Variants in PDE1A observed in about 807,000 individuals in gnomAD.
PDE1A encodes phosphodiesterase 1A.
A neutral mutation model predicts 61.7 loss-of-function variants in PDE1A; 35 were observed. The ratio of observed to expected loss-of-function variants is 0.57; its 90% CI spans 0.43 to 0.75. The LOEUF (loss-of-function observed/expected upper bound fraction) is 0.75. Among genes scored for constraint, PDE1A ranks in the 30% least tolerant of loss-of-function variants. PDE1A has a pLI of 0.00. For synonymous variants in PDE1A, 232 were observed against 213.2 expected, an observed-to-expected ratio of 1.09 and a Z score of -0.77; for missense variants, 597 against 630.6, an observed-to-expected ratio of 0.95 and a Z score of 0.57.
chr2:182,342,564 T>G (rs1698260683), intron 1 of PDE1A, among the ~76,000 whole-genome samples: 1 of 152,156 alleles, frequency 6.6e-6, no homozygotes, highest in South Asian at 2.1e-4. Context: ...GTGCCTGTAG[T>G]CCTAGCTACT....
intron 1 of PDE1A, among the ~76,000 whole-genome samples, chr2:182,302,446 A>G (rs1393217594): frequency 6.6e-6 from 1 of 152,264 alleles, no homozygotes; most frequent in East Asian, 1.9e-4. Flanking sequence ...AGTGTGCAAC[A>G]ACATTATGCA....
chr2:182,563,574 G>T, the PDE1A span, among the ~76,000 whole-genome samples: 2 of 152,140 alleles, frequency 1.3e-5, no homozygotes, highest in Admixed American at 1.3e-4. Context: ...TATTAGGTCT[G>T]CTTGGTGCAG....
chr2:182,527,326 AAATATATATAT>A (rs1690791091), upstream of PDE1A, among the ~76,000 whole-genome samples: 6 of 21,722 alleles, frequency 2.8e-4, no homozygotes, highest in South Asian at 3.7e-3. Flanking sequence ...AAAAAAAAAA[AAATATATATAT>A]ATATATATAT....
In PDE1A at chr2:182,347,436, G is replaced by T. The variant is rs1016073356; in HGVS notation, c.53+79142C>A. ...TGTTTCTGTATAACTCATATATTCA[G>T]TCCCAATATTAATCTACTTGGGTAT... On this transcript the variant is annotated intron_variant, in intron 1 of 13. Transcript: ENST00000351439. 6.9e-4 allele frequency among the ~76,000 whole-genome samples: 105 copies of T among 152,052 alleles called. 1 individual carries two copies. Among genetic ancestry groups the T allele is most frequent in the Non-Finnish European group, 1.3e-4 (9 of 67,990 alleles).
chr2:182,618,510 A>G, the PDE1A span, among the ~76,000 whole-genome samples: 1 of 151,266 alleles, frequency 6.6e-6, no homozygotes, highest in African/African-American at 2.4e-5. Flanking sequence ...TGGCATTCAA[A>G]GAACAATAAG....
the PDE1A span, among the ~76,000 whole-genome samples, chr2:182,599,255 C>T: frequency 1.3e-5 from 2 of 152,134 alleles, no homozygotes; most frequent in African/African-American, 2.4e-5. Flanking sequence ...CTGGCTCTGC[C>T]TCAGTGGGAC....
chr2:182,319,239 T>C (rs1312845567), intron 1 of PDE1A, among the ~76,000 whole-genome samples: 1 of 152,180 alleles, frequency 6.6e-6, no homozygotes, highest in African/African-American at 2.4e-5. Context: ...TAAAAACATA[T>C]CTTTACATAA....
intron 2 of PDE1A, among the ~76,000 whole-genome samples, chr2:182,504,090 G>C (rs1689254586): frequency 6.6e-6 from 1 of 152,274 alleles, no homozygotes; most frequent in East Asian, 1.9e-4. Flanking sequence ...TCTAACCAGT[G>C]GCTAAGATTA....
At chr2:182,626,556 C>A in the PDE1A span, among the ~76,000 whole-genome samples, 7 of 149,988 alleles carry the variant, frequency 4.7e-5, no homozygotes, top group Non-Finnish European at 8.9e-5. Flanking sequence ...TAAAAAAAAA[C>A]CATGATGACT....
In PDE1A at chr2:182,223,981, AG is replaced by A. The variant is rs755448661; in HGVS notation, c.676-18del. ...GAGCCAGTGCTAGTAAATTACAGAA[AG>A]AATCCATTATATTCAAGAAGTAGAT... On this transcript the variant is annotated intron_variant, in intron 6 of 13. Transcript: ENST00000351439. 2.0e-6 allele frequency: 3 copies of A among 1,538,076 alleles called. No individual in the cohort carries two copies. Among genetic ancestry groups the A allele is most frequent in the Non-Finnish European group, 2.7e-6 (3 of 1,115,594 alleles).
chr2:182,255,655 TTTTC>T (rs1257181870), intron 2 of PDE1A, among the ~76,000 whole-genome samples: 1 of 144,656 alleles, frequency 6.9e-6, no homozygotes, highest in Non-Finnish European at 1.5e-5. Context: ...TCTTTCTTTC[TTTTC>T]TTTTTTTTTT....
chr2:182,265,309 CA>C (rs1320809309), intron 1 of PDE1A, among the ~76,000 whole-genome samples: 2 of 151,482 alleles, frequency 1.3e-5, no homozygotes, highest in African/African-American at 4.9e-5. Context: ...ATAAAATAAA[CA>C]AAAAAACAAA....
the PDE1A span, among the ~76,000 whole-genome samples, chr2:182,660,321 G>C: frequency 6.6e-6 from 1 of 152,192 alleles, no homozygotes; most frequent in African/African-American, 2.4e-5. Flanking sequence ...CTCTGAGAGA[G>C]TGGAAGAAAG....
chr2:182,476,290 A>T (rs148635839), intron 2 of PDE1A, among the ~76,000 whole-genome samples: 3 of 151,898 alleles, frequency 2.0e-5, no homozygotes, highest in Non-Finnish European at 4.4e-5. Context: ...CAGGAATTCA[A>T]CACCAGCCTA....
chr2:182,203,524 T>A (rs1032944630), intron 8 of PDE1A, among the ~76,000 whole-genome samples: 5 of 152,174 alleles, frequency 3.3e-5, no homozygotes, highest in Non-Finnish European at 5.9e-5. Context: ...AGACCCATAT[T>A]TGAAAAGCAA....
At chr2:182,506,789 T>A (rs993629867) in intron 2 of PDE1A, among the ~76,000 whole-genome samples, 3 of 152,208 alleles carry the variant, frequency 2.0e-5, no homozygotes, top group Non-Finnish European at 4.4e-5. Flanking sequence ...TATGACCTGT[T>A]GTCAGGGCAA....
chr2:182,208,458 G>A (rs1015469335), intron 7 of PDE1A, among the ~76,000 whole-genome samples: 5 of 152,274 alleles, frequency 3.3e-5, no homozygotes, highest in Middle Eastern at 3.4e-3. Flanking sequence ...CTATGATCCA[G>A]TTACCTCCCA....
At chr2:182,367,898 T>C (rs558579956) in intron 1 of PDE1A, among the ~76,000 whole-genome samples, 281 of 152,238 alleles carry the variant, frequency 1.8e-3, no homozygotes, top group African/African-American at 6.4e-3. Flanking sequence ...ATATATTTAA[T>C]GTATAGAACT....
exon 13 of PDE1A, chr2:182,185,950 GTTC>G (rs1315857321): frequency 6.2e-7 from 1 of 1,614,068 alleles, no homozygotes; most frequent in South Asian, 1.1e-5. Context: ...CCACCAGGTT[GTTC>G]TTGAAACTCT....
Sources: gnomAD v4.1 joint callset for allele counts (sites outside exome capture counted in the v4.1 genomes callset) on GRCh38, gnomAD v4.1.1 for gene constraint, MANE v1.5 for transcripts, NCBI Gene and HGNC (gene_info 2026-07-23, HGNC 2026-07-21) for gene names.